The following DNAH10 variants were observed in gnomAD, a reference collection of about 807,000 sequenced individuals.
The protein encoded by DNAH10 is dynein axonemal heavy chain 10, also known as axonemal beta dynein heavy chain 10.
Under a neutral mutation model 506.6 loss-of-function variants are expected in DNAH10, and 348 were observed. That is an observed-to-expected ratio of 0.69 (90% CI 0.63 to 0.75). DNAH10 has a LOEUF of 0.75. Among genes scored for constraint, DNAH10 ranks in the 30% least tolerant of loss-of-function variants. The pLI, the probability that DNAH10 is intolerant of heterozygous loss-of-function variation, is 0.00. For synonymous variants in DNAH10, 2,059 were observed against 2,198.6 expected, an observed-to-expected ratio of 0.94 and a Z score of 1.78; for missense variants, 5,179 against 5,787.1, an observed-to-expected ratio of 0.89 and a Z score of 3.41.
At position 123,917,728 on chromosome 12, in the gene DNAH10, G is replaced by A. The variant is rs1954547413; in HGVS notation, c.11147G>A (p.Arg3716Gln). The A allele has an allele frequency of 3.2e-6, 5 of 1,567,432 alleles. No homozygotes were observed. The highest frequency in any genetic ancestry group is 3.5e-6 in the Non-Finnish European group (4 of 1,156,456). ...LLKDLEDSLL[R>Q]ELATSTGNML... ...AAGGACCTGGAAGATTCCCTCCTTCGGGAGCTGGCCACGTCCACGGGGAAC... is the reference window on the plus strand; with the variant it reads ...AAGGACCTGGAAGATTCCCTCCTTCAGGAGCTGGCCACGTCCACGGGGAAC... The change falls in exon 64 of 79, where the codon CGG becomes CAG. Residue 3716 changes from arginine to glutamine, a missense_variant. By Grantham distance (43) the Arg-to-Gln change is conservative. This residue lies in a region of DNAH10 where 4,844 missense variants were observed against 5,430.5 expected (regional missense o/e 0.89). Transcript: ENST00000673944. This position sits in a 1 kb window ranked among gnomAD's most constrained non-coding sequence, Gnocchi z 5.6.
rs955180935 is a variant in DNAH10 at position 123,930,062 on chromosome 12, G to A, written c.12612+303G>A. 3.9e-5 allele frequency: 21 copies of A among 533,186 alleles called. No homozygotes were observed. In the East Asian group the frequency reaches 4.3e-4, roughly 11 times the overall value. 33.0% of individuals were successfully genotyped at this position (533,186 alleles called of 1,614,324 possible). Reference sequence around the variant, plus strand: ...GAAGCATCCCCGGTGGTCTGCACACGGCTCAGGCAGTGACATCAATTCCAA... The same window carrying A: ...GAAGCATCCCCGGTGGTCTGCACACAGCTCAGGCAGTGACATCAATTCCAA... On this transcript the variant is annotated intron_variant, in intron 72 of 78. Coordinates refer to ENST00000673944, the MANE Select transcript of DNAH10 (RefSeq NM_001372106.1).
intron 47 of DNAH10, 87 bp downstream of exon 47, chr12:123,875,578 A>G (rs1198784642): frequency 6.5e-7 from 1 of 1,529,908 alleles, no homozygotes; most frequent in African/African-American, 1.4e-5. Context: ...ATGTAGGCAC[A>G]GCAGGGTTAG....
At position 123,935,325 on chromosome 12, in the gene DNAH10, T is replaced by C; in HGVS notation, c.13624-10T>C. ...TCCGTGGGGGCATCTCACCTGCCTTTCCCTTGCAGAATACTTTCCGGACCC... is the reference window on the plus strand; with the variant it reads ...TCCGTGGGGGCATCTCACCTGCCTTCCCCTTGCAGAATACTTTCCGGACCC... On this transcript the variant is annotated splice_polypyrimidine_tract_variant and intron_variant, in intron 78 of 78. Transcript: ENST00000673944. 3 of 1,598,228 alleles carry C rather than the reference T, an allele frequency of 1.9e-6. No individual in the cohort carries two copies. The highest frequency in any genetic ancestry group is 2.6e-6 in the Non-Finnish European group (3 of 1,166,474).
chr12:123,763,101 A>G (rs1049514283), intron 1 of DNAH10, among the ~76,000 whole-genome samples: 3 of 152,214 alleles, frequency 2.0e-5, no homozygotes, highest in Non-Finnish European at 2.9e-5. Flanking sequence ...TATCCTAAAA[A>G]GTAAAATAAG....
rs1051617633 is a variant in DNAH10, at chr12:123,875,222, A to C, written c.7939-9A>C. ...TACTGTTCTCTTTTCTTTTTTAAAA[A>C]AAATCAAGGTGGATGAATATGGCAC... On this transcript the variant is annotated splice_polypyrimidine_tract_variant and intron_variant, in intron 46 of 78. Coordinates refer to ENST00000673944, the MANE Select transcript of DNAH10 (RefSeq NM_001372106.1). The C allele has an allele frequency of 1.3e-6, 2 of 1,599,150 alleles. No homozygotes were observed. The highest frequency in any genetic ancestry group is 4.5e-5 in the East Asian group (2 of 44,552).
At position 123,848,847 on chromosome 12, in the gene DNAH10, C is replaced by T. The variant is rs753452103; in HGVS notation, c.6067C>T (p.Arg2023Ter). The T allele has an allele frequency of 6.8e-6, 11 of 1,613,660 alleles. No individual in the cohort carries two copies. Among genetic ancestry groups the T allele is most frequent in the African/African-American group, 2.7e-5 (2 of 74,872 alleles). Reference protein sequence around the residue: ...SVISSQIQTIRNALIHQLTTF... With the variant: ...SVISSQIQTI ...GATCTCCTCCCAGATCCAGACGATC[C>T]GAAATGCTCTGATCCATCAGTTAAC... is the stretch of plus-strand genomic sequence containing the variant. The change falls in exon 34 of 79, where the codon CGA becomes TGA. Residue 2023 changes from arginine to a stop codon, truncating the protein, a stop_gained. Transcript: ENST00000673944. LOFTEE classifies it high-confidence loss of function.
At chr12:123,915,900 G>T (rs918125270) in intron 62 of DNAH10, among the ~76,000 whole-genome samples, 1 of 152,194 alleles carries the variant, frequency 6.6e-6, no homozygotes, top group Admixed American at 6.5e-5. Context: ...TGGAATTGCC[G>T]GGGCGGCCCA....
At chr12:123,924,908 G>C (rs1368271740) in intron 67 of DNAH10, 142 bp from the exon 68 acceptor site, 5 of 1,081,748 alleles carry the variant, frequency 4.6e-6, no homozygotes, top group Non-Finnish European at 6.5e-6. Flanking sequence ...GGTAGAGAAT[G>C]ACAGATCTGA....
intron 28 of DNAH10, 106 bp downstream of exon 28, chr12:123,835,634 CA>C: frequency 6.9e-7 from 1 of 1,440,944 alleles, no homozygotes; most frequent in Admixed American, 2.3e-5. Flanking sequence ...GCTTCTCTCT[CA>C]TTTTTTAGAG....
chr12:123,824,961 G>T (rs1959813611), intron 24 of DNAH10, among the ~76,000 whole-genome samples: 1 of 152,230 alleles, frequency 6.6e-6, no homozygotes, highest in South Asian at 2.1e-4. Context: ...TTGGGAGTGG[G>T]GTTGGTGGAG....
chr12:123,914,040 C>T lies in DNAH10; in HGVS notation c.10353-289C>T, dbSNP rs994452934. Among the ~76,000 whole-genome samples the T allele has an allele frequency of 6.6e-5, 10 of 152,170 alleles. 1 individual carries two copies. The highest frequency in any genetic ancestry group is 2.2e-4 in the African/African-American group (9 of 41,430). ...TCTTTGATTAAGGCTTCAGAAACAACGTGATTACTACTTAATATGATCCAC... is the reference window on the plus strand; with the variant it reads ...TCTTTGATTAAGGCTTCAGAAACAATGTGATTACTACTTAATATGATCCAC... On this transcript the variant is annotated intron_variant, in intron 60 of 78. Coordinates refer to ENST00000673944, the MANE Select transcript of DNAH10 (RefSeq NM_001372106.1).
Position 123,919,738 on chromosome 12 carries a change from T to C in DNAH10, c.11506+789T>C, listed in dbSNP as rs1954645395. Among the ~76,000 whole-genome samples the C allele has an allele frequency of 6.6e-6, 1 of 152,236 alleles. No homozygotes were observed. Among genetic ancestry groups the C allele is most frequent in the South Asian group, 2.1e-4 (1 of 4,832 alleles). On this transcript the variant is annotated intron_variant, in intron 65 of 78. Transcript: ENST00000673944. The surrounding 1 kb of genome is among the most constrained non-coding windows in gnomAD (Gnocchi z 4.9). ...GTGTGTGACTTCATGACTGGTATCT[T>C]TCACTCCACTCCGTGACCTCACGGT... is the stretch of plus-strand genomic sequence containing the variant.
At chr12:123,858,876 G>A (rs900477970) in intron 37 of DNAH10, among the ~76,000 whole-genome samples, 1 of 152,132 alleles carries the variant, frequency 6.6e-6, no homozygotes, top group African/African-American at 2.4e-5. Context: ...CCCAGAATAC[G>A]CAAATCCGTA....
Position 123,861,019 on chromosome 12 carries a change from C to T in DNAH10, c.6757C>T (p.Leu2253=), listed in dbSNP as rs1951589185. 6.2e-7 allele frequency: 1 copy of T among 1,613,932 alleles called. No homozygotes were observed. The highest frequency in any genetic ancestry group is 8.5e-7 in the Non-Finnish European group (1 of 1,179,898). Residue 2253 remains leucine, a synonymous_variant, in exon 39 of 79, where the codon CTG becomes TTG. Coordinates refer to ENST00000673944, the MANE Select transcript of DNAH10 (RefSeq NM_001372106.1). ...AAGCCTCTCTTGATTTAGGCTTGGG[C>T]TGACGACAAAGTTGTACATCCTGAA... ...TLCQAQTKLG[L]TTKLYILNPK...
intron 12 of DNAH10, 28 bp from the exon 13 acceptor site, chr12:123,796,628 T>C: frequency 1.3e-6 from 2 of 1,571,646 alleles, no homozygotes; most frequent in Non-Finnish European, 1.7e-6. Flanking sequence ...TGTTTATCAC[T>C]TACAGAAGCT....
rs34989387 is a variant in DNAH10, at chr12:123,874,265, GTCCATCCATCCATCCATCCA to G, written c.7938+581_7938+600del. ...CTGTATGCAAAGCCAGAGTCCGTCC[GTCCATCCATCCATCCATCCA>G]TCCATCCATCCATCCATCCATCCAT... On this transcript the variant is annotated intron_variant, in intron 46 of 78. Coordinates refer to ENST00000673944, the MANE Select transcript of DNAH10 (RefSeq NM_001372106.1). Among the ~76,000 whole-genome samples the G allele has an allele frequency of 1.0e-3, 149 of 145,604 alleles. 2 individuals carry two copies. The East Asian group carries it at 0.029, about 29-fold the overall frequency.
Position 123,800,213 on chromosome 12 carries a change from C to T in DNAH10, c.2290-3C>T. On this transcript the variant is annotated splice_polypyrimidine_tract_variant and splice_region_variant and intron_variant, in intron 14 of 78. Coordinates refer to ENST00000673944, the MANE Select transcript of DNAH10 (RefSeq NM_001372106.1). The stretch of plus-strand genomic sequence containing the variant: ...CCGCGCTGATGGAATGTCTCTTCCA[C>T]AGTCTTCCATCGCCACAGAGGAGCC... 1 of 1,613,242 alleles carries T rather than the reference C, an allele frequency of 6.2e-7. No homozygotes were observed. Among genetic ancestry groups the T allele is most frequent in the South Asian group, 1.1e-5 (1 of 90,854 alleles).
chr12:123,890,474 T>C (rs1035951417), intron 52 of DNAH10, among the ~76,000 whole-genome samples: 2 of 148,322 alleles, frequency 1.3e-5, no homozygotes, highest in Admixed American at 1.3e-4. Context: ...TTTTAAGAGG[T>C]GGAGTCTTCC....
chr12:123,790,662 C>A (rs1958044881), intron 11 of DNAH10, among the ~76,000 whole-genome samples: 1 of 151,930 alleles, frequency 6.6e-6, no homozygotes, highest in African/African-American at 2.4e-5. Flanking sequence ...TGAGGCAGAG[C>A]AAACAGAGGG....
Sources: allele counts gnomAD v4.1 joint callset (sites outside exome capture counted in the v4.1 genomes callset), GRCh38; gene constraint gnomAD v4.1.1; regional missense constraint gnomAD v4.1.1; non-coding constraint Gnocchi (gnomAD v3.1); transcripts MANE v1.5; gene names NCBI Gene and HGNC (gene_info 2026-07-23, HGNC 2026-07-21).